Variants in DNM3 observed in about 807,000 individuals in gnomAD.
The protein encoded by DNM3 is dynamin-3.
A neutral mutation model predicts 101.6 loss-of-function variants in DNM3; 47 were observed. The observed-to-expected ratio is 0.46, with a 90% CI of 0.37 to 0.59. The LOEUF (loss-of-function observed/expected upper bound fraction) is 0.59. DNM3 is among the 20% of genes least tolerant of loss of function. The probability of loss-of-function intolerance (pLI) is 0.00; values close to 1 mark genes in which losing one functional copy is unlikely to be tolerated. For missense variants in DNM3, 849 were observed against 1,085.7 expected (o/e 0.78, Z 3.06); for synonymous variants, 385 against 387.9 (o/e 0.99, Z 0.09).
intron 14 of DNM3, among the ~76,000 whole-genome samples, chr1:172,184,600 T>G (rs1239434808): frequency 6.6e-6 from 1 of 152,072 alleles, no homozygotes; most frequent in East Asian, 1.9e-4. Flanking sequence ...TTTAAGAAAT[T>G]CATTGTTTCT....
chr1:172,227,820 T>C (rs1390919824), intron 14 of DNM3, among the ~76,000 whole-genome samples: 2 of 152,142 alleles, frequency 1.3e-5, no homozygotes, highest in Non-Finnish European at 2.9e-5. Flanking sequence ...TTCCAGCCAA[T>C]GGTGTATAAA....
In DNM3 at chr1:171,868,775, C is replaced by G. The variant is rs138308670; in HGVS notation, c.161+26958C>G. On this transcript the variant is annotated intron_variant, in intron 1 of 20. Coordinates refer to ENST00000627582, the MANE Select transcript of DNM3 (RefSeq NM_015569.5). ...GAAGGAACAAAGATGCTTCTGGTGT[C>G]CTTTGTACAATTTCTTTTTTTTTTT... is the stretch of plus-strand genomic sequence containing the variant. 7.7e-3 allele frequency among the ~76,000 whole-genome samples: 1,178 copies of G among 152,196 alleles called. 14 individuals carry two copies. The highest frequency in any genetic ancestry group is 0.027 in the African/African-American group (1,111 of 41,520).
chr1:172,207,455 ATTTC>A (rs1337930537), intron 14 of DNM3, among the ~76,000 whole-genome samples: 1 of 152,024 alleles, frequency 6.6e-6, no homozygotes, highest in Admixed American at 6.6e-5. Context: ...TTAAAGTTTT[ATTTC>A]TTATTTTTGT....
chr1:172,215,871 T>C (rs2060677037), intron 14 of DNM3, among the ~76,000 whole-genome samples: 1 of 151,864 alleles, frequency 6.6e-6, no homozygotes, highest in South Asian at 2.1e-4. Context: ...GATTTGGCTC[T>C]TATAAATCCT....
Position 172,408,575 on chromosome 1 carries a change from A to C in DNM3, c.*734A>C, listed in dbSNP as rs2071047940. ...AATTAGTTTCAGAGTTCAAGGAAGA[A>C]GCAAAATATCACATCTCTAGAAGTG... On this transcript the variant is annotated 3_prime_UTR_variant, in exon 21 of 21. Transcript: ENST00000627582. The C allele has an allele frequency of 3.0e-6, 3 of 985,150 alleles. No homozygotes were observed. The South Asian group carries it at 1.4e-4, about 46-fold the overall frequency. 61.0% of individuals were successfully genotyped at this position (985,150 alleles called of 1,614,324 possible). A position where few individuals can be genotyped will look rare whatever the true frequency, so the allele number is the denominator to read the frequency against.
chr1:172,112,726 C>T (rs2055574438), intron 13 of DNM3, among the ~76,000 whole-genome samples: 1 of 152,126 alleles, frequency 6.6e-6, no homozygotes, highest in Non-Finnish European at 1.5e-5. Context: ...TTTGGGGCCC[C>T]ACTTGCCACT....
At chr1:171,966,563 G>A (rs1237444096) in intron 2 of DNM3, among the ~76,000 whole-genome samples, 3 of 152,204 alleles carry the variant, frequency 2.0e-5, no homozygotes, top group African/African-American at 4.8e-5. Flanking sequence ...CTCTGGCATC[G>A]ACCCAGGGTA....
At chr1:172,257,104 C>CT (rs1405628927) in intron 15 of DNM3, among the ~76,000 whole-genome samples, 1 of 151,972 alleles carries the variant, frequency 6.6e-6, no homozygotes, top group Non-Finnish European at 1.5e-5. Flanking sequence ...TCCATGAGAG[C>CT]TGATTGGATT....
chr1:172,062,405 C>G (rs1572335898), intron 10 of DNM3, among the ~76,000 whole-genome samples: 1 of 152,242 alleles, frequency 6.6e-6, no homozygotes, highest in East Asian at 1.9e-4. Context: ...TTTTGTTTTT[C>G]TACTCTCCTT....
intron 1 of DNM3, among the ~76,000 whole-genome samples, chr1:171,907,979 C>T (rs749274396): frequency 3.3e-5 from 5 of 152,180 alleles, no homozygotes; most frequent in Non-Finnish European, 5.9e-5. Context: ...TAATCGTTGA[C>T]TGTATCTCAT....
At chr1:172,186,354 C>T (rs1399793935) in intron 14 of DNM3, among the ~76,000 whole-genome samples, 1 of 151,328 alleles carries the variant, frequency 6.6e-6, no homozygotes, top group East Asian at 1.9e-4. Context: ...GGAATGTGGA[C>T]TTGGTTGTTA....
intron 17 of DNM3, among the ~76,000 whole-genome samples, chr1:172,326,695 T>C (rs1302058272): frequency 6.6e-6 from 1 of 152,094 alleles, no homozygotes; most frequent in Non-Finnish European, 1.5e-5. Flanking sequence ...ATATTTTTGA[T>C]ATTAAATTAG....
chr1:171,914,590 G>A (rs552011942), intron 1 of DNM3, among the ~76,000 whole-genome samples: 20 of 152,032 alleles, frequency 1.3e-4, no homozygotes, highest in Admixed American at 7.2e-4. Context: ...CTAGTATTCC[G>A]TATTTTGTAA....
At chr1:172,264,738 A>G (rs2062793594) in intron 15 of DNM3, among the ~76,000 whole-genome samples, 1 of 152,176 alleles carries the variant, frequency 6.6e-6, no homozygotes, top group Non-Finnish European at 1.5e-5. Flanking sequence ...CCAGAACCTT[A>G]TAGATAATCT....
chr1:172,309,179 T>G (rs1396617581), intron 16 of DNM3: 1 of 220,950 alleles, frequency 4.5e-6, no homozygotes, highest in African/African-American at 2.3e-5. Flanking sequence ...ATTAATACAA[T>G]CAGTATATCA....
At chr1:171,980,079 C>T (rs2044674243) in intron 2 of DNM3, among the ~76,000 whole-genome samples, 1 of 151,836 alleles carries the variant, frequency 6.6e-6, no homozygotes, top group African/African-American at 2.4e-5. Flanking sequence ...GTTCTTAACT[C>T]TCCTACTGAG....
intron 20 of DNM3, chr1:172,397,405 C>A (rs529608001): frequency 6.6e-6 from 1 of 152,568 alleles, no homozygotes; most frequent in African/African-American, 2.4e-5. Context: ...TGTATGAAAG[C>A]AGACTTATAG....
chr1:172,168,704 C>T (rs952671766), intron 14 of DNM3, among the ~76,000 whole-genome samples: 4 of 152,016 alleles, frequency 2.6e-5, no homozygotes, highest in African/African-American at 9.6e-5. Flanking sequence ...ACAGGAAGCC[C>T]AAATGCAGAC....
At chr1:172,198,411 A>C (rs1323171154) in intron 14 of DNM3, among the ~76,000 whole-genome samples, 1 of 152,154 alleles carries the variant, frequency 6.6e-6, no homozygotes, top group African/African-American at 2.4e-5. Flanking sequence ...TTTTGGTATC[A>C]AGATGATGCT....
Sources: gnomAD v4.1 joint callset for allele counts (sites outside exome capture counted in the v4.1 genomes callset) on GRCh38, gnomAD v4.1.1 for gene constraint, MANE v1.5 for transcripts, NCBI Gene and HGNC (gene_info 2026-07-23, HGNC 2026-07-21) for gene names.